IGSF21: variants seen among roughly 807,000 people sequenced by gnomAD.
IGSF21 encodes immunoglobulin superfamily member 21.
In IGSF21, 28 loss-of-function variants were observed where a neutral mutation model predicts 46.8. The ratio of observed to expected loss-of-function variants is 0.60; its 90% CI spans 0.44 to 0.82. The LOEUF is 0.82. Among genes scored for constraint, IGSF21 ranks in the 40% least tolerant of loss-of-function variants. The pLI is 0.00. For synonymous variants in IGSF21, 284 were observed against 273.6 expected (o/e 1.04, Z -0.38); for missense variants, 624 against 665.5 (o/e 0.94, Z 0.69).
chr1:18,294,990 TC>T (rs1306171533), intron 3 of IGSF21, among the ~76,000 whole-genome samples: 1 of 152,246 alleles, frequency 6.6e-6, no homozygotes, highest in Non-Finnish European at 1.5e-5. Flanking sequence ...CTGAGCCGTT[TC>T]CTCTTCAGCT....
At chr1:18,355,734 C>T (rs1183552889) in intron 4 of IGSF21, among the ~76,000 whole-genome samples, 3 of 151,164 alleles carry the variant, frequency 2.0e-5, no homozygotes, top group African/African-American at 7.3e-5. Flanking sequence ...AGAATAGGGT[C>T]GGCCTTTCCT....
At chr1:18,134,467 C>G (rs1468723052) in intron 1 of IGSF21, among the ~76,000 whole-genome samples, 1 of 152,174 alleles carries the variant, frequency 6.6e-6, no homozygotes, top group Admixed American at 6.5e-5. Context: ...AGCTCATCTC[C>G]CTGGGGGAGG....
chr1:18,318,465 C>CATGT (rs1553163223), intron 3 of IGSF21, among the ~76,000 whole-genome samples: 1 of 148,704 alleles, frequency 6.7e-6, no homozygotes, highest in South Asian at 2.2e-4. Context: ...TGCGTGCGTG[C>CATGT]GTGTGTGTGT....
intron 2 of IGSF21, among the ~76,000 whole-genome samples, chr1:18,286,836 C>A (rs891080973): frequency 6.6e-6 from 1 of 152,180 alleles, no homozygotes; most frequent in Non-Finnish European, 1.5e-5. Context: ...ATTTATCGAG[C>A]GAGTGCCATT....
intron 3 of IGSF21, among the ~76,000 whole-genome samples, chr1:18,319,316 GA>G (rs1384718545): frequency 6.6e-6 from 1 of 152,220 alleles, no homozygotes; most frequent in Non-Finnish European, 1.5e-5. Context: ...AACCCTTTAG[GA>G]ATTTGTGTGT....
At chr1:18,369,232 T>C (rs930549926) in intron 6 of IGSF21, among the ~76,000 whole-genome samples, 1 of 152,218 alleles carries the variant, frequency 6.6e-6, no homozygotes, top group Non-Finnish European at 1.5e-5. Flanking sequence ...TTCAGACTTC[T>C]TAACGTCTCT....
chr1:18,277,121 G>GT (rs1274544857), intron 2 of IGSF21, among the ~76,000 whole-genome samples: 1 of 152,178 alleles, frequency 6.6e-6, no homozygotes, highest in Non-Finnish European at 1.5e-5. Flanking sequence ...TCCCTGGGCT[G>GT]TTGCTTCTGC....
intron 6 of IGSF21, among the ~76,000 whole-genome samples, chr1:18,373,199 C>T (rs1488939520): frequency 2.0e-5 from 3 of 152,168 alleles, no homozygotes. Context: ...GTTGAAATGA[C>T]TCATCCAAGT....
At chr1:18,198,478 C>G (rs11589665) in intron 1 of IGSF21, among the ~76,000 whole-genome samples, 3,410 of 152,326 alleles carry the variant, frequency 0.022, 53 homozygotes, top group Non-Finnish European at 0.036. Flanking sequence ...GGATCGTCGT[C>G]ATTCATCTCC....
chr1:18,328,879 G>A (rs1278861879), intron 3 of IGSF21, among the ~76,000 whole-genome samples: 1 of 152,176 alleles, frequency 6.6e-6, no homozygotes, highest in African/African-American at 2.4e-5. Context: ...AGCAGAGGCT[G>A]TAAACTCGTG....
At chr1:18,250,080 T>G in intron 2 of IGSF21, among the ~76,000 whole-genome samples, 1 of 39,124 alleles carries the variant, frequency 2.6e-5, no homozygotes, top group South Asian at 1.8e-3. Context: ...CCCCCTTCCA[T>G]CCCCCACTCC....
chr1:18,287,240 C>CA (rs1228863563), intron 2 of IGSF21, among the ~76,000 whole-genome samples: 4 of 150,026 alleles, frequency 2.7e-5, no homozygotes, highest in Non-Finnish European at 4.4e-5. Flanking sequence ...AATAAAAATA[C>CA]AAAAAATTAG....
intron 4 of IGSF21, among the ~76,000 whole-genome samples, chr1:18,360,722 G>A (rs1362798329): frequency 2.0e-5 from 3 of 152,162 alleles, no homozygotes; most frequent in Non-Finnish European, 4.4e-5. Context: ...TTATGAGGAG[G>A]TTAGGGAAAT....
At chr1:18,193,162 AG>A (rs1384040975) in intron 1 of IGSF21, among the ~76,000 whole-genome samples, 1 of 152,130 alleles carries the variant, frequency 6.6e-6, no homozygotes, top group Non-Finnish European at 1.5e-5. Flanking sequence ...GAGTGAAGAA[AG>A]AACAAGCCCA....
intron 1 of IGSF21, among the ~76,000 whole-genome samples, chr1:18,198,297 C>A (rs1375225292): frequency 6.6e-6 from 1 of 152,080 alleles, no homozygotes; most frequent in Non-Finnish European, 1.5e-5. Flanking sequence ...TAGGACCTGC[C>A]CAAGTCATAA....
At chr1:18,327,690 T>C (rs940254444) in intron 3 of IGSF21, among the ~76,000 whole-genome samples, 6 of 152,132 alleles carry the variant, frequency 3.9e-5, no homozygotes, top group African/African-American at 1.4e-4. Context: ...CTAGGAATCA[T>C]GATTTATAGT....
At chr1:18,319,723 CT>C (rs1277555037) in intron 3 of IGSF21, among the ~76,000 whole-genome samples, 1 of 152,178 alleles carries the variant, frequency 6.6e-6, no homozygotes, top group African/African-American at 2.4e-5. Context: ...CTTGTCTCCC[CT>C]TTGTCAGGAC....
intron 1 of IGSF21, among the ~76,000 whole-genome samples, chr1:18,173,571 C>T (rs1255324927): frequency 6.6e-6 from 1 of 152,186 alleles, no homozygotes; most frequent in African/African-American, 2.4e-5. Context: ...TGGAAGCATA[C>T]AGTTTGTGTC....
chr1:18,309,211 G>A (rs2085456394), intron 3 of IGSF21, among the ~76,000 whole-genome samples: 1 of 152,124 alleles, frequency 6.6e-6, no homozygotes, highest in Non-Finnish European at 1.5e-5. Flanking sequence ...TGCCCTTTGG[G>A]GAATGAAAGG....
Sources: allele counts gnomAD v4.1 joint callset (sites outside exome capture counted in the v4.1 genomes callset), GRCh38; gene constraint gnomAD v4.1.1; transcripts MANE v1.5; gene names NCBI Gene and HGNC (gene_info 2026-07-23, HGNC 2026-07-21).